SLC24A3: variants seen among roughly 807,000 people sequenced by gnomAD.
The protein encoded by SLC24A3 is sodium/potassium/calcium exchanger 3.
A neutral mutation model predicts 75.8 loss-of-function variants in SLC24A3; 28 were observed. The observed-to-expected ratio is 0.37, with a 90% CI of 0.27 to 0.51. SLC24A3 has a LOEUF of 0.51. Among genes scored for constraint, SLC24A3 ranks in the 20% least tolerant of loss-of-function variants. The pLI, the probability that SLC24A3 is intolerant of heterozygous loss-of-function variation, is 0.94. For synonymous variants in SLC24A3, 372 were observed against 334.1 expected (o/e 1.11, Z -1.24); for missense variants, 663 against 847.8 (o/e 0.78, Z 2.71).
At chr20:19,526,272 G>A (rs969985553) in intron 3 of SLC24A3, among the ~76,000 whole-genome samples, 4 of 152,128 alleles carry the variant, frequency 2.6e-5, no homozygotes, top group Non-Finnish European at 4.4e-5. Flanking sequence ...CCACTTCCCA[G>A]GATTAGTGTG....
At chr20:19,378,896 TA>T (rs1986133337) in intron 2 of SLC24A3, among the ~76,000 whole-genome samples, 1 of 118,726 alleles carries the variant, frequency 8.4e-6, no homozygotes, top group South Asian at 2.7e-4. Flanking sequence ...CTACTTTCTT[TA>T]AAAAAAGCTC....
At chr20:19,707,754 G>A (rs1292766622) in intron 15 of SLC24A3, among the ~76,000 whole-genome samples, 1 of 152,222 alleles carries the variant, frequency 6.6e-6, no homozygotes, top group Non-Finnish European at 1.5e-5. Flanking sequence ...GCCATTCATG[G>A]AGATGGGGAG....
chr20:19,645,347 T>C (rs2032124342), intron 6 of SLC24A3, among the ~76,000 whole-genome samples: 1 of 152,218 alleles, frequency 6.6e-6, no homozygotes, highest in South Asian at 2.1e-4. Flanking sequence ...ACTGATTGTG[T>C]TCAGCATTGT....
At chr20:19,453,968 A>G (rs1341023431) in intron 2 of SLC24A3, among the ~76,000 whole-genome samples, 2 of 152,224 alleles carry the variant, frequency 1.3e-5, no homozygotes, top group Non-Finnish European at 2.9e-5. Context: ...AACAGCGCCA[A>G]CACTGCTGAC....
chr20:19,396,418 C>T (rs573647723), intron 2 of SLC24A3, among the ~76,000 whole-genome samples: 2 of 152,260 alleles, frequency 1.3e-5, no homozygotes, highest in South Asian at 4.1e-4. Flanking sequence ...AGTCAATATA[C>T]AAATTAGTAA....
chr20:19,637,603 A>G (rs2032017052), intron 6 of SLC24A3, among the ~76,000 whole-genome samples: 1 of 152,230 alleles, frequency 6.6e-6, no homozygotes. Flanking sequence ...TAATAATATA[A>G]CTGCTATTTA....
intron 2 of SLC24A3, among the ~76,000 whole-genome samples, chr20:19,391,600 A>T (rs1986368083): frequency 6.6e-6 from 1 of 152,198 alleles, no homozygotes; most frequent in South Asian, 2.1e-4. Context: ...GAGGCCATGC[A>T]GTGTATGCTA....
At chr20:19,652,601 T>G (rs753567803) in intron 6 of SLC24A3, among the ~76,000 whole-genome samples, 22 of 152,236 alleles carry the variant, frequency 1.4e-4, no homozygotes, top group Non-Finnish European at 1.9e-4. Flanking sequence ...CTTCACCTAA[T>G]AAGGCAAAAT....
At chr20:19,705,718 A>C (rs1348930554) in intron 15 of SLC24A3, among the ~76,000 whole-genome samples, 2 of 152,018 alleles carry the variant, frequency 1.3e-5, no homozygotes, top group African/African-American at 4.8e-5. Context: ...TTTTCATCTC[A>C]TCTAGATGGG....
intron 3 of SLC24A3, among the ~76,000 whole-genome samples, chr20:19,549,529 A>G (rs777897880): frequency 6.6e-6 from 1 of 152,212 alleles, no homozygotes; most frequent in African/African-American, 2.4e-5. Context: ...CATGCCTGCA[A>G]TCCCAGCACT....
chr20:19,674,903 A>C (rs1417186088), intron 9 of SLC24A3, among the ~76,000 whole-genome samples: 1 of 152,122 alleles, frequency 6.6e-6, no homozygotes, highest in Non-Finnish European at 1.5e-5. Flanking sequence ...AAATACAAAA[A>C]TTAGCCAGGC....
At chr20:19,482,888 T>C (rs1988079263) in intron 2 of SLC24A3, among the ~76,000 whole-genome samples, 2 of 152,202 alleles carry the variant, frequency 1.3e-5, no homozygotes, top group Non-Finnish European at 2.9e-5. Flanking sequence ...GTGTGCTGAA[T>C]TCAATTGCAA....
intron 6 of SLC24A3, among the ~76,000 whole-genome samples, chr20:19,647,527 G>A (rs980843763): frequency 6.6e-6 from 1 of 152,186 alleles, no homozygotes; most frequent in African/African-American, 2.4e-5. Context: ...GGAGCCAGGG[G>A]CACTGCAGGG....
chr20:19,567,303 T>A (rs1396769590), intron 3 of SLC24A3, among the ~76,000 whole-genome samples: 2 of 152,222 alleles, frequency 1.3e-5, no homozygotes, highest in African/African-American at 4.8e-5. Flanking sequence ...CTGGATTTTT[T>A]AAAATGTGGT....
At chr20:19,406,209 C>CGT (rs1568609905) in intron 2 of SLC24A3, among the ~76,000 whole-genome samples, 18 of 135,860 alleles carry the variant, frequency 1.3e-4, no homozygotes, top group African/African-American at 5.5e-4. Flanking sequence ...TGTGTGTGTG[C>CGT]GTGCGTGTGT....
At chr20:19,452,090 C>T (rs772670646) in intron 2 of SLC24A3, among the ~76,000 whole-genome samples, 1 of 152,180 alleles carries the variant, frequency 6.6e-6, no homozygotes, top group Non-Finnish European at 1.5e-5. Context: ...CAGCTCTGCT[C>T]CTGGGAAACG....
chr20:19,452,376 A>ATGTGTGTGTGTGTGTGTGTGTG (rs34840970), intron 2 of SLC24A3, among the ~76,000 whole-genome samples: 7 of 113,070 alleles, frequency 6.2e-5, no homozygotes, highest in South Asian at 7.3e-4. Flanking sequence ...CCTGTGGGGG[A>ATGTGTGTGTGTGTGTGTGTGTG]TGTGTGTGTG....
intron 1 of SLC24A3, among the ~76,000 whole-genome samples, chr20:19,246,543 A>AT (rs1376436067): frequency 1.3e-5 from 2 of 152,178 alleles, no homozygotes; most frequent in Non-Finnish European, 2.9e-5. Flanking sequence ...TGAGATTGAC[A>AT]TTTTTTCTAG....
rs570289553 is a variant in SLC24A3 at position 19,243,673 on chromosome 20, C to G, written c.142+30689C>G. Among the ~76,000 whole-genome samples the G allele has an allele frequency of 2.0e-5, 3 of 152,314 alleles. No individual in the cohort carries two copies. In the South Asian group the frequency reaches 6.2e-4, roughly 32 times the overall value. On this transcript the variant is annotated intron_variant, in intron 1 of 16. Coordinates refer to ENST00000328041, the MANE Select transcript of SLC24A3 (RefSeq NM_020689.4). Reference sequence around the variant, plus strand: ...AGTCTTTGACATTGTGGACTCAGCTCTCCTGTTGGAAACCTATCCCTCATT... The same window carrying G: ...AGTCTTTGACATTGTGGACTCAGCTGTCCTGTTGGAAACCTATCCCTCATT...
Sources: gnomAD v4.1 joint callset for allele counts (sites outside exome capture counted in the v4.1 genomes callset) on GRCh38, gnomAD v4.1.1 for gene constraint, MANE v1.5 for transcripts, NCBI Gene and HGNC (gene_info 2026-07-23, HGNC 2026-07-21) for gene names.